The following OSBPL3 variants were observed in gnomAD, a reference collection of about 807,000 sequenced individuals.
OSBPL3 encodes the protein oxysterol-binding protein-related protein 3.
In OSBPL3, 65 loss-of-function variants were observed where a neutral mutation model predicts 120.1. The ratio of observed to expected loss-of-function variants is 0.54; its 90% CI spans 0.44 to 0.67. The LOEUF (loss-of-function observed/expected upper bound fraction) is 0.67. OSBPL3 is among the 30% of genes least tolerant of loss of function. The pLI is 0.00. For missense variants in OSBPL3, 1,004 were observed against 1,082.1 expected (o/e 0.93, Z 1.01); for synonymous variants, 416 against 402.6 (o/e 1.03, Z -0.40).
At position 24,968,738 on chromosome 7, in the gene OSBPL3, A is replaced by G. The variant is rs1816671476; in HGVS notation, c.-150+11148T>C. On this transcript the variant is annotated intron_variant, in intron 1 of 22. Transcript: ENST00000313367. The surrounding 1 kb of genome is among the most constrained non-coding windows in gnomAD (Gnocchi z 4.6). ...TCCATGTGTGCATATATGCATGAATATATGTCCATGTGTATATGCATACTT... is the reference window on the plus strand; with the variant it reads ...TCCATGTGTGCATATATGCATGAATGTATGTCCATGTGTATATGCATACTT... Among the ~76,000 whole-genome samples the G allele has an allele frequency of 6.6e-6, 1 of 152,200 alleles. No individual in the cohort carries two copies. The highest frequency in any genetic ancestry group is 1.5e-5 in the Non-Finnish European group (1 of 68,036).
At chr7:24,841,839 C>T (rs1797811001) in intron 13 of OSBPL3, among the ~76,000 whole-genome samples, 1 of 151,492 alleles carries the variant, frequency 6.6e-6, no homozygotes, top group Non-Finnish European at 1.5e-5. Context: ...TGGTGAAACC[C>T]TGGTCTCTAC....
At chr7:24,841,694 C>CCAAAAAAAAA in intron 13 of OSBPL3, among the ~76,000 whole-genome samples, 1 of 12,156 alleles carries the variant, frequency 8.2e-5, no homozygotes, top group Admixed American at 1.1e-3. Context: ...GACTATGTCT[C>CCAAAAAAAAA]AAAAAAAAAA....
chr7:24,962,156 A>AG (rs999618713), intron 1 of OSBPL3, among the ~76,000 whole-genome samples: 1 of 151,842 alleles, frequency 6.6e-6, no homozygotes, highest in Non-Finnish European at 1.5e-5. Context: ...TACAAAAATT[A>AG]GCCAGGCATG....
At chr7:24,924,093 T>C (rs895387902) in intron 1 of OSBPL3, among the ~76,000 whole-genome samples, 12 of 152,204 alleles carry the variant, frequency 7.9e-5, no homozygotes. Flanking sequence ...AAAAAGTGTA[T>C]ACAACCTCAA....
At position 24,806,015 on chromosome 7, in the gene OSBPL3, G is replaced by T. The variant is rs2128103994; in HGVS notation, c.2444+761C>A. ...TGAGACACTCAGGCTGGAGAGCAAT[G>T]GCGTGGTCTCGGCTCACTGCAACCT... On this transcript the variant is annotated intron_variant, in intron 21 of 22. Coordinates refer to ENST00000313367, the MANE Select transcript of OSBPL3 (RefSeq NM_015550.4). The surrounding 1 kb of genome is among the most constrained non-coding windows in gnomAD (Gnocchi z 5.2). 6.6e-6 allele frequency among the ~76,000 whole-genome samples: 1 copy of T among 152,316 alleles called. No individual in the cohort carries two copies. Among genetic ancestry groups the T allele is most frequent in the Non-Finnish European group, 1.5e-5 (1 of 68,014 alleles).
At position 24,967,078 on chromosome 7, in the gene OSBPL3, T is replaced by C. The variant is rs1395135484; in HGVS notation, c.-150+12808A>G. ...CCTGTTTGCAGACACTCTAAATCTG[T>C]ATTCACAGGTCATCTACATTATCTC... On this transcript the variant is annotated intron_variant, in intron 1 of 22. Coordinates refer to ENST00000313367, the MANE Select transcript of OSBPL3 (RefSeq NM_015550.4). The surrounding 1 kb of genome is among the most constrained non-coding windows in gnomAD (Gnocchi z 5.6). Among the ~76,000 whole-genome samples the C allele has an allele frequency of 6.6e-6, 1 of 152,236 alleles. No individual in the cohort carries two copies. Among genetic ancestry groups the C allele is most frequent in the Admixed American group, 6.5e-5 (1 of 15,286 alleles).
Position 24,899,661 on chromosome 7 carries a change from G to A in OSBPL3, c.-149-7040C>T, listed in dbSNP as rs111868671. Among the ~76,000 whole-genome samples, 4,962 of 152,160 alleles carry A rather than the reference G, an allele frequency of 0.033. 169 individuals carry two copies. Among genetic ancestry groups the A allele is most frequent in the African/African-American group, 0.067 (2,786 of 41,514 alleles). ...TTTAGTAACGAGAAGAGCACCAAGG[G>A]CATGGAGGTCTCTGCAGCCTGACAT... On this transcript the variant is annotated intron_variant, in intron 1 of 22. Coordinates refer to ENST00000313367, the MANE Select transcript of OSBPL3 (RefSeq NM_015550.4). This position sits in a 1 kb window ranked among gnomAD's most constrained non-coding sequence, Gnocchi z 4.0.
At position 24,822,025 on chromosome 7, in the gene OSBPL3, C is replaced by G. The variant is rs1795186983; in HGVS notation, c.1885-1787G>C. On this transcript the variant is annotated intron_variant, in intron 16 of 22. Transcript: ENST00000313367. This position sits in a 1 kb window ranked among gnomAD's most constrained non-coding sequence, Gnocchi z 5.8. The stretch of plus-strand genomic sequence containing the variant: ...AGTTGCTGGGACTAAAGGTGTGTGC[C>G]ACCACGCCCGGCTAATTTTTTCACT... Among the ~76,000 whole-genome samples the G allele has an allele frequency of 6.6e-6, 1 of 152,146 alleles. No individual in the cohort carries two copies. The highest frequency in any genetic ancestry group is 1.5e-5 in the Non-Finnish European group (1 of 68,022).
At position 24,900,685 on chromosome 7, in the gene OSBPL3, T is replaced by C. The variant is rs1806850931; in HGVS notation, c.-149-8064A>G. ...CAGAAAACTAAAAGACAGAGTTGGC[T>C]GGCCAGGCGTGGTGGCTCATGCCTG... On this transcript the variant is annotated intron_variant, in intron 1 of 22. Coordinates refer to ENST00000313367, the MANE Select transcript of OSBPL3 (RefSeq NM_015550.4). The surrounding 1 kb of genome is among the most constrained non-coding windows in gnomAD (Gnocchi z 4.5). Among the ~76,000 whole-genome samples, 5 of 152,190 alleles carry C rather than the reference T, an allele frequency of 3.3e-5. No homozygotes were observed. In the South Asian group the frequency reaches 1.0e-3, roughly 32 times the overall value.
intron 6 of OSBPL3, among the ~76,000 whole-genome samples, chr7:24,865,683 C>T (rs1280764586): frequency 6.6e-6 from 1 of 152,184 alleles, no homozygotes; most frequent in Non-Finnish European, 1.5e-5. Flanking sequence ...ACCTAATTTT[C>T]TTCTTTTATC....
chr7:24,954,537 T>C (rs1814812078), intron 1 of OSBPL3, among the ~76,000 whole-genome samples: 1 of 151,664 alleles, frequency 6.6e-6, no homozygotes. Context: ...ATCCCAACCA[T>C]GTTACTCAGT....
At chr7:24,823,504 T>C (rs887542234) in intron 16 of OSBPL3, among the ~76,000 whole-genome samples, 2 of 152,130 alleles carry the variant, frequency 1.3e-5, no homozygotes, top group Admixed American at 6.5e-5. Context: ...TAATGAGTGA[T>C]AAAGGTAGCA....
In OSBPL3 at chr7:24,979,909, G is replaced by T; in HGVS notation, c.-173C>A. On this transcript the variant is annotated 5_prime_UTR_variant, in exon 1 of 23. Transcript: ENST00000313367. ...ACCTGAGCGCTGTGCAGCCGGAGACGCTCCCTAGTTCCCCGGGGCCGGGCT... is the reference window on the plus strand; with the variant it reads ...ACCTGAGCGCTGTGCAGCCGGAGACTCTCCCTAGTTCCCCGGGGCCGGGCT... The T allele has an allele frequency of 2.1e-6, 2 of 969,810 alleles. No individual in the cohort carries two copies. Among genetic ancestry groups the T allele is most frequent in the Non-Finnish European group, 2.4e-6 (2 of 822,054 alleles). The allele number at this position is 969,810 out of a possible 1,614,324, so 60.1% of individuals were successfully genotyped here.
intron 1 of OSBPL3, among the ~76,000 whole-genome samples, chr7:24,962,629 T>C (rs1267305403): frequency 6.6e-6 from 1 of 152,158 alleles, no homozygotes; most frequent in Non-Finnish European, 1.5e-5. Context: ...GCTAGGCATA[T>C]AGGAAACAAG....
chr7:24,829,093 CAGCTCATGTTACTATTCTTTTCTTAT>C (rs558121370), intron 16 of OSBPL3, among the ~76,000 whole-genome samples: 217 of 152,340 alleles, frequency 1.4e-3, no homozygotes, highest in African/African-American at 4.9e-3. Flanking sequence ...CAACTTTACA[CAGCTCATGTTACTATTCTTTTCTTAT>C]AGCTATTCAT....
intron 1 of OSBPL3, among the ~76,000 whole-genome samples, chr7:24,907,176 C>G (rs1808065322): frequency 6.6e-6 from 1 of 152,198 alleles, no homozygotes; most frequent in Non-Finnish European, 1.5e-5. Context: ...GGCCCTGCAA[C>G]TGACTCCACA....
In OSBPL3 at chr7:24,953,514, A is replaced by G. The variant is rs770920090; in HGVS notation, c.-150+26372T>C. Among the ~76,000 whole-genome samples, 24 of 152,246 alleles carry G rather than the reference A, an allele frequency of 1.6e-4. No homozygotes were observed. The highest frequency in any genetic ancestry group is 4.4e-5 in the Non-Finnish European group (3 of 68,044). On this transcript the variant is annotated intron_variant, in intron 1 of 22. Coordinates refer to ENST00000313367, the MANE Select transcript of OSBPL3 (RefSeq NM_015550.4). This position sits in a 1 kb window ranked among gnomAD's most constrained non-coding sequence, Gnocchi z 4.3. ...AATCATCTTAAATAAAAGTTTATTA[A>G]TTGAACATTCATTATTACTCTCAGT...
rs1042531157 is a variant in OSBPL3 at position 24,808,106 on chromosome 7, G to T, written c.2318-1204C>A. ...AGTAGAGATGAGATTTTGCCATGTT[G>T]TCCAGAGCAGTCTTGAACTCCTGGC... is the stretch of plus-strand genomic sequence containing the variant. On this transcript the variant is annotated intron_variant, in intron 20 of 22. Coordinates refer to ENST00000313367, the MANE Select transcript of OSBPL3 (RefSeq NM_015550.4). The surrounding 1 kb of genome is among the most constrained non-coding windows in gnomAD (Gnocchi z 4.6). Among the ~76,000 whole-genome samples, 1 of 152,104 alleles carries T rather than the reference G, an allele frequency of 6.6e-6. No individual in the cohort carries two copies. Among genetic ancestry groups the T allele is most frequent in the African/African-American group, 2.4e-5 (1 of 41,432 alleles).
intron 5 of OSBPL3, among the ~76,000 whole-genome samples, chr7:24,868,005 T>G (rs144993144): frequency 6.6e-6 from 1 of 152,306 alleles, no homozygotes; most frequent in African/African-American, 2.4e-5. Context: ...CAAGCACCTA[T>G]ATACCATAGA....
Sources: gnomAD v4.1 joint callset for allele counts (sites outside exome capture counted in the v4.1 genomes callset) on GRCh38, gnomAD v4.1.1 for gene constraint, Gnocchi (gnomAD v3.1) non-coding constraint, MANE v1.5 for transcripts, NCBI Gene and HGNC (gene_info 2026-07-23, HGNC 2026-07-21) for gene names.